The following OTOG variants were observed in gnomAD, a reference collection of about 807,000 sequenced individuals.
OTOG encodes otogelin.
OTOG carries 296 observed loss-of-function variants against 313.8 expected under a neutral mutation model. That is an observed-to-expected ratio of 0.94 (90% confidence interval 0.86 to 1.04). The LOEUF is 1.04. Among genes scored for constraint, OTOG ranks in the 50% least tolerant of loss-of-function variants. The pLI is 0.00. For synonymous variants in OTOG, 1,533 were observed against 1,554.9 expected (o/e 0.99, Z 0.33); for missense variants, 3,948 against 3,840.1 (o/e 1.03, Z -0.74).
intron 18 of OTOG, among the ~76,000 whole-genome samples, chr11:17,572,706 C>A (rs529736306): frequency 1.3e-5 from 2 of 152,232 alleles, no homozygotes; most frequent in African/African-American, 4.8e-5. Flanking sequence ...CTCACTGAGG[C>A]CTTCCTGACT....
At chr11:17,567,818 T>C (rs1206431456) in intron 15 of OTOG, among the ~76,000 whole-genome samples, 2 of 152,266 alleles carry the variant, frequency 1.3e-5, no homozygotes, top group Non-Finnish European at 2.9e-5. Context: ...CCATGCATCC[T>C]TCAGATTTCA....
intron 28 of OTOG, among the ~76,000 whole-genome samples, chr11:17,595,333 C>T (rs1247703707): frequency 6.6e-6 from 1 of 152,224 alleles, no homozygotes; most frequent in Non-Finnish European, 1.5e-5. Flanking sequence ...CCATGGGGTT[C>T]CCCAGTGAAA....
chr11:17,640,013 A>C (rs963225615), intron 49 of OTOG, among the ~76,000 whole-genome samples: 3 of 148,556 alleles, frequency 2.0e-5, no homozygotes, highest in Non-Finnish European at 1.5e-5. Flanking sequence ...TGGTGGTGAT[A>C]ATGCAATGAC....
chr11:17,612,903 T>C (rs1853597630), intron 38 of OTOG, 138 bp downstream of exon 38: 5 of 1,090,652 alleles, frequency 4.6e-6, no homozygotes, highest in Non-Finnish European at 6.4e-6. Context: ...TCTCCAGGAA[T>C]GGGCAGGGCC....
At chr11:17,625,090 T>C (rs1004181919) in intron 39 of OTOG, among the ~76,000 whole-genome samples, 2 of 152,210 alleles carry the variant, frequency 1.3e-5, no homozygotes, top group African/African-American at 4.8e-5. Flanking sequence ...TATAGGATCA[T>C]GTTGTCTGCA....
At chr11:17,612,505 AC>A in intron 37 of OTOG, 114 bp from the exon 38 acceptor site, 1 of 1,408,498 alleles carries the variant, frequency 7.1e-7, no homozygotes, top group Non-Finnish European at 9.4e-7. Context: ...CACCCTCCAG[AC>A]CCCAGGCCTC....
At chr11:17,617,508 A>G (rs1034286766) in intron 39 of OTOG, among the ~76,000 whole-genome samples, 1 of 152,060 alleles carries the variant, frequency 6.6e-6, no homozygotes, top group African/African-American at 2.4e-5. Flanking sequence ...TTTTGTTTAT[A>G]TATTTCTTCT....
At chr11:17,617,758 T>C (rs577329347) in intron 39 of OTOG, among the ~76,000 whole-genome samples, 8 of 152,274 alleles carry the variant, frequency 5.3e-5, no homozygotes, top group African/African-American at 1.7e-4. Flanking sequence ...AATGGCTTTA[T>C]TGGTTTTCTC....
chr11:17,572,340 G>C, intron 18 of OTOG, 136 bp downstream of exon 18: 1 of 1,287,896 alleles, frequency 7.8e-7, no homozygotes. Flanking sequence ...AGGAGCAGCA[G>C]GGAGGGGAAA....
chr11:17,641,480 G>C (rs1404858859), intron 51 of OTOG, among the ~76,000 whole-genome samples: 1 of 152,126 alleles, frequency 6.6e-6, no homozygotes, highest in Non-Finnish European at 1.5e-5. Flanking sequence ...ATATTACTTG[G>C]ATAAAGAAGG....
intron 49 of OTOG, among the ~76,000 whole-genome samples, chr11:17,640,110 C>T (rs375589363): frequency 2.6e-4 from 39 of 152,234 alleles, no homozygotes; most frequent in South Asian, 4.2e-4. Flanking sequence ...ACAATCATGA[C>T]GGTAGCTAAT....
rs1368971338 is a variant in OTOG, at chr11:17,559,169, C to T, written c.1213+8C>T. The T allele has an allele frequency of 3.9e-6, 6 of 1,532,350 alleles. No homozygotes were observed. Among genetic ancestry groups the T allele is most frequent in the Non-Finnish European group, 5.2e-6 (6 of 1,143,420 alleles). 94.9% of individuals were successfully genotyped at this position (1,532,350 alleles called of 1,614,324 possible). A position where few individuals can be genotyped will look rare whatever the true frequency, so the allele number is the denominator to read the frequency against. On this transcript the variant is annotated splice_region_variant and intron_variant, in intron 11 of 55. Coordinates refer to ENST00000399397, the MANE Select transcript of OTOG (RefSeq NM_001292063.2). ...CCCAGCTCCGGCAATGCAGTAGGTGCAGCCCAGTAGTGGGGCAGGGAGGCC... is the reference window on the plus strand; with the variant it reads ...CCCAGCTCCGGCAATGCAGTAGGTGTAGCCCAGTAGTGGGGCAGGGAGGCC...
chr11:17,644,348 A>T (rs1049127100), intron 54 of OTOG, among the ~76,000 whole-genome samples: 1 of 152,280 alleles, frequency 6.6e-6, no homozygotes, highest in Non-Finnish European at 1.5e-5. Context: ...AGCTATGGCC[A>T]GAAGCCATCT....
chr11:17,564,955 A>G (rs1039733045), intron 15 of OTOG, among the ~76,000 whole-genome samples: 3 of 152,192 alleles, frequency 2.0e-5, no homozygotes, highest in Non-Finnish European at 2.9e-5. Context: ...TTTTTAAAGT[A>G]GACTTTATGT....
intron 32 of OTOG, among the ~76,000 whole-genome samples, chr11:17,602,707 C>T (rs2134075968): frequency 6.6e-6 from 1 of 152,250 alleles, no homozygotes; most frequent in Admixed American, 6.5e-5. Context: ...ATCTCACCCT[C>T]CCTCCCTCTC....
Position 17,586,496 on chromosome 11 carries a change from T to C in OTOG, c.2782T>C (p.Cys928Arg), listed in dbSNP as rs1011979116. The change falls in exon 24 of 56, where the codon TGT becomes CGT. Residue 928 changes from cysteine (C) to arginine (R), a missense_variant. By Grantham distance (180) the Cys-to-Arg change is radical (BLOSUM62 -3). Coordinates refer to ENST00000399397, the MANE Select transcript of OTOG (RefSeq NM_001292063.2). Reference protein sequence around the residue: ...PQGLLRHGDACFLPEECPCTW... With the variant: ...PQGLLRHGDARFLPEECPCTW... ...CAGTCTGCTCAGACACGGGGATGCA[T>C]GTTTCCTGCCAGAGGAGTGCCCCTG... is the stretch of plus-strand genomic sequence containing the variant. The C allele has an allele frequency of 1.7e-5, 25 of 1,443,690 alleles. No homozygotes were observed. Among genetic ancestry groups the C allele is most frequent in the Non-Finnish European group, 2.1e-5 (23 of 1,093,996 alleles). The allele number at this position is 1,443,690 out of a possible 1,614,324, so 89.4% of individuals were successfully genotyped here.
intron 18 of OTOG, among the ~76,000 whole-genome samples, chr11:17,572,504 C>G (rs1008506656): frequency 1.3e-5 from 2 of 152,204 alleles, no homozygotes; most frequent in African/African-American, 2.4e-5. Context: ...CCCATGCCCC[C>G]CTTCTCACCT....
Position 17,553,137 on chromosome 11 carries a change from A to T in OTOG, c.311A>T (p.Asn104Ile), listed in dbSNP as rs534942001. 6.4e-7 allele frequency: 1 copy of T among 1,550,400 alleles called. No individual in the cohort carries two copies. The highest frequency in any genetic ancestry group is 2.0e-5 in the Admixed American group (1 of 50,980). ...CAPSYLFSCF[N>I]GGECVHPAFC... ...CATGCAGACTTGTTCTCCTGCTTCA[A>T]TGGAGGCGAGTGTGTGCACCCAGCC... The change falls in exon 5 of 56, where the codon AAT (asparagine) becomes ATT (isoleucine). Residue 104 changes from asparagine to isoleucine, a missense_variant. Physicochemically the swap from Asn to Ile is moderately radical, Grantham distance 149. Coordinates refer to ENST00000399397, the MANE Select transcript of OTOG (RefSeq NM_001292063.2).
At chr11:17,572,731 T>A (rs1022105940) in intron 18 of OTOG, among the ~76,000 whole-genome samples, 5 of 152,192 alleles carry the variant, frequency 3.3e-5, no homozygotes, top group Non-Finnish European at 7.3e-5. Context: ...GAATTCAAAT[T>A]GCAGTTGCCC....
Sources: gnomAD v4.1 joint callset for allele counts (sites outside exome capture counted in the v4.1 genomes callset) on GRCh38, gnomAD v4.1.1 for gene constraint, MANE v1.5 for transcripts, NCBI Gene and HGNC (gene_info 2026-07-23, HGNC 2026-07-21) for gene names.